The following N4BP1 variants were observed in gnomAD, a reference collection of about 807,000 sequenced individuals.
N4BP1 encodes the protein NEDD4-binding protein 1.
In N4BP1, 21 loss-of-function variants were observed where a neutral mutation model predicts 70.9. The observed-to-expected ratio is 0.30, with a 90% CI of 0.21 to 0.43. The LOEUF (loss-of-function observed/expected upper bound fraction) is 0.43. Among genes scored for constraint, N4BP1 ranks in the 20% least tolerant of loss-of-function variants. The probability of loss-of-function intolerance (pLI) is 1.00; values close to 1 mark genes in which losing one functional copy is unlikely to be tolerated. For synonymous variants in N4BP1, 387 were observed against 394.6 expected (o/e 0.98, Z 0.23); for missense variants, 936 against 1,069.4 (o/e 0.88, Z 1.74).
rs771082306 is a variant in N4BP1, at chr16:48,562,253, A to G, written c.390T>C (p.Ala130=). 1 of 1,613,828 alleles carries G rather than the reference A, an allele frequency of 6.2e-7. No individual in the cohort carries two copies. The highest frequency in any genetic ancestry group is 1.3e-5 in the African/African-American group (1 of 74,918). The stretch of plus-strand genomic sequence containing the variant: ...TTACAAATTGTTGAATGTGACTCCT[A>G]GCCATGACCACAGCCTCAGCACTTC... ...IRGSAEAVVM[A]RSHIQQFVKL... The change falls in exon 2 of 7, where the codon GCT becomes GCC. Residue 130 remains alanine (A), a synonymous_variant. Coordinates refer to ENST00000262384, the MANE Select transcript of N4BP1 (RefSeq NM_153029.4).
rs1489518283 is a variant in N4BP1, at chr16:48,540,103, A to G, written c.*2801T>C. The G allele has an allele frequency of 1.3e-5, 2 of 152,468 alleles. No homozygotes were observed. Among genetic ancestry groups the G allele is most frequent in the Non-Finnish European group, 2.9e-5 (2 of 68,176 alleles). 9.4% of individuals were successfully genotyped at this position (152,468 alleles called of 1,614,324 possible). A position where few individuals can be genotyped will look rare whatever the true frequency, so the allele number is the denominator to read the frequency against. ...GAAACACTGGGGAGGAAGGTGATGA[A>G]CAGACGGAGGTGAGCCAGAGACACC... On this transcript the variant is annotated 3_prime_UTR_variant, in exon 7 of 7. Transcript: ENST00000262384.
rs752765703 is a variant in N4BP1 at position 48,562,403 on chromosome 16, T to C, written c.240A>G (p.Arg80=). 6.2e-7 allele frequency: 1 copy of C among 1,612,548 alleles called. No homozygotes were observed. The highest frequency in any genetic ancestry group is 8.5e-7 in the Non-Finnish European group (1 of 1,179,448). Reference sequence around the variant, plus strand: ...AGTGCATGTCCTTGGGGTAACATTCTCTTTCTTCTAGTTCAGGTTCACAGA... The same window carrying C: ...AGTGCATGTCCTTGGGGTAACATTCCCTTTCTTCTAGTTCAGGTTCACAGA... ...KGICEPELEE[R]ECYPKDMHCI... Residue 80 remains arginine (R), a synonymous_variant, in exon 2 of 7, where the codon AGA becomes AGG. Coordinates refer to ENST00000262384, the MANE Select transcript of N4BP1 (RefSeq NM_153029.4).
At chr16:48,577,969 A>G (rs1212226656) in intron 1 of N4BP1, 1 of 155,288 alleles carries the variant, frequency 6.4e-6, no homozygotes, top group Admixed American at 6.5e-5. Flanking sequence ...ATCTCCTTGG[A>G]ACACTTAACA....
chr16:48,550,006 C>T (rs1186365587), intron 4 of N4BP1, among the ~76,000 whole-genome samples: 1 of 152,222 alleles, frequency 6.6e-6, no homozygotes, highest in East Asian at 1.9e-4. Flanking sequence ...CTACTAATTT[C>T]ATACCATGAG....
intron 1 of N4BP1, among the ~76,000 whole-genome samples, chr16:48,595,810 C>T (rs1964403965): frequency 6.6e-6 from 1 of 152,284 alleles, no homozygotes; most frequent in South Asian, 2.1e-4. Context: ...TATGCAGTAC[C>T]TGTACAGGGT....
chr16:48,568,661 G>A (rs112764156), intron 1 of N4BP1, among the ~76,000 whole-genome samples: 172 of 152,302 alleles, frequency 1.1e-3, no homozygotes, highest in African/African-American at 3.1e-3. Flanking sequence ...CCAGCAAACT[G>A]AGAATAGAAG....
chr16:48,558,912 T>C lies in N4BP1; in HGVS notation c.1889+1842A>G, dbSNP rs541317675. On this transcript the variant is annotated intron_variant, in intron 2 of 6. Transcript: ENST00000262384. The stretch of plus-strand genomic sequence containing the variant: ...ATATTGCATATTTTTGCTGCCTGTC[T>C]TCAAACTTTAACATCTGAAATGATG... Among the ~76,000 whole-genome samples the C allele has an allele frequency of 2.6e-3, 398 of 152,358 alleles. 1 individual carries two copies. Among genetic ancestry groups the C allele is most frequent in the African/African-American group, 9.3e-3 (386 of 41,558 alleles).
chr16:48,594,153 A>G (rs1964377897), intron 1 of N4BP1, among the ~76,000 whole-genome samples: 1 of 152,198 alleles, frequency 6.6e-6, no homozygotes, highest in African/African-American at 2.4e-5. Context: ...TTTTAAGTAA[A>G]CTACAAAAAA....
intron 2 of N4BP1, among the ~76,000 whole-genome samples, chr16:48,554,978 T>C (rs1041399842): frequency 2.0e-4 from 30 of 152,136 alleles, no homozygotes; most frequent in African/African-American, 6.8e-4. Context: ...CCCACTACCA[T>C]GAGACAACCC....
At chr16:48,547,492 TTC>T (rs1018471412) in intron 5 of N4BP1, among the ~76,000 whole-genome samples, 7 of 152,352 alleles carry the variant, frequency 4.6e-5, no homozygotes, top group African/African-American at 1.7e-4. Flanking sequence ...TAAAGATGTT[TTC>T]AATATAGATT....
intron 2 of N4BP1, among the ~76,000 whole-genome samples, chr16:48,560,310 A>G (rs36077931): frequency 0.4 from 61,161 of 151,818 alleles, 13,262 homozygotes; most frequent in African/African-American, 0.56. Flanking sequence ...ATCCACAGAA[A>G]TACATCACAC....
In N4BP1 at chr16:48,561,152, G is replaced by A; in HGVS notation, c.1491C>T (p.Ala497=). ...PETDGLSPSV[A]SPSPKEVNFV... Reference sequence around the variant, plus strand: ...AATTGACTTCTTTGGGACTTGGAGAGGCAACAGAAGGTGAAAGGCCATCAG... The same window carrying A: ...AATTGACTTCTTTGGGACTTGGAGAAGCAACAGAAGGTGAAAGGCCATCAG... The change falls in exon 2 of 7, where the codon GCC becomes GCT. Residue 497 remains alanine, a synonymous_variant. Coordinates refer to ENST00000262384, the MANE Select transcript of N4BP1 (RefSeq NM_153029.4). 3 of 1,613,990 alleles carry A rather than the reference G, an allele frequency of 1.9e-6. No individual in the cohort carries two copies. The highest frequency in any genetic ancestry group is 2.2e-5 in the South Asian group (2 of 91,082).
rs745959312 is a variant in N4BP1 at position 48,562,456 on chromosome 16, A to G, written c.199-12T>C. 3.8e-6 allele frequency: 6 copies of G among 1,567,898 alleles called. No homozygotes were observed. Among genetic ancestry groups the G allele is most frequent in the Non-Finnish European group, 5.2e-6 (6 of 1,161,428 alleles). ...CCTTTAATATATTCCTGTAAAGAGAAAATAAGAAATTAGGTCAATTTACAA... is the reference window on the plus strand; with the variant it reads ...CCTTTAATATATTCCTGTAAAGAGAGAATAAGAAATTAGGTCAATTTACAA... On this transcript the variant is annotated splice_polypyrimidine_tract_variant and intron_variant, in intron 1 of 6. Transcript: ENST00000262384.
intron 1 of N4BP1, among the ~76,000 whole-genome samples, chr16:48,594,001 C>CAAAAAAAAAAAA (rs750355255): frequency 1.4e-4 from 6 of 42,556 alleles, no homozygotes; most frequent in African/African-American, 4.4e-4. Context: ...GACTCCGTCT[C>CAAAAAAAAAAAA]AAAAAAAAAA....
intron 4 of N4BP1, among the ~76,000 whole-genome samples, chr16:48,550,363 A>T (rs1464444474): frequency 6.6e-6 from 1 of 151,964 alleles, no homozygotes; most frequent in Non-Finnish European, 1.5e-5. Flanking sequence ...AAATACAAAA[A>T]TTAGCCAGGC....
chr16:48,606,077 G>A lies in N4BP1; in HGVS notation c.198+3698C>T, dbSNP rs974263999. ...ATGTCTGTCTCCCCTAAGAGGCAACGTGATTCTTGAGGTCAAGGGGCAACC... is the reference window on the plus strand; with the variant it reads ...ATGTCTGTCTCCCCTAAGAGGCAACATGATTCTTGAGGTCAAGGGGCAACC... On this transcript the variant is annotated intron_variant, in intron 1 of 6. Transcript: ENST00000262384. Among the ~76,000 whole-genome samples, 5 of 152,150 alleles carry A rather than the reference G, an allele frequency of 3.3e-5. No individual in the cohort carries two copies. The East Asian group carries it at 7.7e-4, about 23-fold the overall frequency.
chr16:48,595,807 T>C (rs1174943341), intron 1 of N4BP1, among the ~76,000 whole-genome samples: 1 of 152,214 alleles, frequency 6.6e-6, no homozygotes, highest in East Asian at 1.9e-4. Flanking sequence ...GTCTATGCAG[T>C]ACCTGTACAG....
chr16:48,547,921 T>A, intron 5 of N4BP1, 86 bp downstream of exon 5: 1 of 888,126 alleles, frequency 1.1e-6, no homozygotes, highest in African/African-American at 1.7e-5. Context: ...CCAAGGAATA[T>A]AGAAAACAAA....
intron 1 of N4BP1, among the ~76,000 whole-genome samples, chr16:48,576,895 T>G (rs1476321223): frequency 6.6e-6 from 1 of 152,188 alleles, no homozygotes; most frequent in Non-Finnish European, 1.5e-5. Context: ...TTCTGTCCTT[T>G]CATCTTCACA....
Sources: gnomAD v4.1 joint callset for allele counts (sites outside exome capture counted in the v4.1 genomes callset) on GRCh38, gnomAD v4.1.1 for gene constraint, MANE v1.5 for transcripts, NCBI Gene and HGNC (gene_info 2026-07-23, HGNC 2026-07-21) for gene names.